Variants in AKAP9 observed in about 807,000 individuals in gnomAD.
AKAP9 encodes A-kinase anchoring protein 9.
AKAP9 carries 311 observed loss-of-function variants against 488.5 expected under a neutral mutation model. The observed-to-expected ratio is 0.64, with a 90% CI of 0.58 to 0.70. The LOEUF is 0.70. Among genes scored for constraint, AKAP9 ranks in the 30% least tolerant of loss-of-function variants. The pLI, the probability that AKAP9 is intolerant of heterozygous loss-of-function variation, is 0.00. For synonymous variants in AKAP9, 1,462 were observed against 1,483.5 expected (o/e 0.99, Z 0.33); for missense variants, 4,215 against 4,374.5 (o/e 0.96, Z 1.03).
chr7:92,104,353 G>T (rs1422722248), intron 46 of AKAP9, among the ~76,000 whole-genome samples: 1 of 151,806 alleles, frequency 6.6e-6, no homozygotes, highest in Non-Finnish European at 1.5e-5. Flanking sequence ...ACCACACCCG[G>T]CTAATTTTTT....
rs1451468288 is a variant in AKAP9 at position 92,065,277 on chromosome 7, A to G, written c.6024A>G (p.Val2008=). The G allele has an allele frequency of 6.2e-7, 1 of 1,612,852 alleles. No individual in the cohort carries two copies. The highest frequency in any genetic ancestry group is 1.3e-5 in the African/African-American group (1 of 74,974). ...TEKLMKEKLE[V]QCQAEKVRDD... The stretch of plus-strand genomic sequence containing the variant: ...AATTAATGAAGGAAAAACTAGAAGT[A>G]CAATGTCAAGCTGAAAAAGTACGTG... The change falls in exon 25 of 50, where the codon GTA becomes GTG. Residue 2008 remains valine (V), a synonymous_variant. Coordinates refer to ENST00000356239, the MANE Select transcript of AKAP9 (RefSeq NM_005751.5).
chr7:92,000,865 A>G lies in AKAP9; in HGVS notation c.948A>G (p.Val316=), dbSNP rs767404316. ...TCCTAAAGGAACAAGATAAAAAAGT[A>G]GAAAACTCAAATAAAGAAGAAATAC... ...KVYEMEQDKK[V]ENSNKEEIQE... is the part of the protein sequence containing the mutation. The change falls in exon 8 of 50, where the codon GTA becomes GTG. Residue 316 remains valine (V), a synonymous_variant. Coordinates refer to ENST00000356239, the MANE Select transcript of AKAP9 (RefSeq NM_005751.5). The G allele has an allele frequency of 3.3e-4, 471 of 1,409,366 alleles. 3 individuals are homozygous for G. In the Middle Eastern group the frequency reaches 7.6e-3, roughly 23 times the overall value. The allele number at this position is 1,409,366 out of a possible 1,614,324, so 87.3% of individuals were successfully genotyped here. A position where few individuals can be genotyped will look rare whatever the true frequency, so the allele number is the denominator to read the frequency against.
rs1392664246 is a variant in AKAP9, at chr7:92,065,370, G to T, written c.6117G>T (p.Glu2039Asp). 1 of 1,613,152 alleles carries T rather than the reference G, an allele frequency of 6.2e-7. No individual in the cohort carries two copies. Among genetic ancestry groups the T allele is most frequent in the Non-Finnish European group, 8.5e-7 (1 of 1,179,496 alleles). Residue 2039 changes from glutamate to aspartate, a missense_variant, in exon 25 of 50, where the codon GAG (glutamate) becomes GAT (aspartate). Transcript: ENST00000356239. ...AAGAACAAGTCAGTAGGTTTATAGA[G>T]CTGGAACAAGAAAAAAATACTGAAC... Reference protein sequence around the residue: ...DVEEQVSRFIELEQEKNTELM... With the variant: ...DVEEQVSRFIDLEQEKNTELM...
chr7:91,984,367 C>T (rs1174821756), intron 3 of AKAP9, among the ~76,000 whole-genome samples: 3 of 152,250 alleles, frequency 2.0e-5, no homozygotes, highest in East Asian at 1.9e-4. Context: ...GTTTTCCCAG[C>T]GCCATGTATT....
At chr7:91,987,417 C>G (rs1426237723) in intron 3 of AKAP9, among the ~76,000 whole-genome samples, 1 of 149,562 alleles carries the variant, frequency 6.7e-6, no homozygotes, top group Non-Finnish European at 1.5e-5. Context: ...GAAATTCTAT[C>G]TCGAAAAAAA....
chr7:92,102,351 T>C (rs1200596421), intron 45 of AKAP9, among the ~76,000 whole-genome samples: 4 of 151,306 alleles, frequency 2.6e-5, no homozygotes, highest in African/African-American at 4.8e-5. Flanking sequence ...TCAGACTCCA[T>C]TGACTAATAG....
chr7:92,015,027 C>G (rs34863529), intron 10 of AKAP9, among the ~76,000 whole-genome samples: 51,564 of 151,998 alleles, frequency 0.34, 9,231 homozygotes, highest in Middle Eastern at 0.4. Context: ...AAAATCAACT[C>G]TAATGTGAGA....
chr7:92,066,602 A>G lies in AKAP9; in HGVS notation c.6330+56A>G. On this transcript the variant is annotated intron_variant, in intron 26 of 49. Transcript: ENST00000356239. ...CAGTAATTTGTATCAAGTGTAAAAT[A>G]AGATGCATATCATTAAAAACTTAAA... The G allele has an allele frequency of 1.9e-6, 3 of 1,594,366 alleles. No homozygotes were observed. The East Asian group carries it at 6.7e-5, about 36-fold the overall frequency.
chr7:92,048,505 G>A (rs187922581), intron 21 of AKAP9, among the ~76,000 whole-genome samples: 21 of 152,124 alleles, frequency 1.4e-4, no homozygotes, highest in Admixed American at 7.2e-4. Context: ...TTTCCTTTAG[G>A]TCTTCACTGT....
chr7:91,995,881 T>G, intron 7 of AKAP9, 81 bp downstream of exon 7: 1 of 1,026,008 alleles, frequency 9.7e-7, no homozygotes, highest in Non-Finnish European at 1.4e-6. Context: ...TTTTTTTTGT[T>G]AGGCACATGA....
At chr7:92,013,624 A>T (rs1215721775) in intron 9 of AKAP9, among the ~76,000 whole-genome samples, 7 of 152,216 alleles carry the variant, frequency 4.6e-5, no homozygotes, top group African/African-American at 1.7e-4. Context: ...ATAAACAGTA[A>T]GTATTAACTA....
intron 21 of AKAP9, among the ~76,000 whole-genome samples, chr7:92,052,222 T>C (rs899042225): frequency 3.3e-5 from 5 of 152,198 alleles, no homozygotes; most frequent in African/African-American, 1.2e-4. Flanking sequence ...GTACTCCCAA[T>C]GTAGGCTCAA....
chr7:92,080,046 AAAAAG>A lies in AKAP9; in HGVS notation c.7921_7925del (p.Lys2641AlafsTer12). 6.4e-7 allele frequency: 1 copy of A among 1,564,472 alleles called. No individual in the cohort carries two copies. The highest frequency in any genetic ancestry group is 8.6e-7 in the Non-Finnish European group (1 of 1,164,938). On this transcript the variant is annotated frameshift_variant, in exon 31 of 50. Coordinates refer to ENST00000356239, the MANE Select transcript of AKAP9 (RefSeq NM_005751.5). LOFTEE classifies it high-confidence loss of function. Reference sequence around the variant, plus strand: ...GAAATTGCAGAAAAAAATGTTTTAGAAAAAGAAAAGAAGCTGCTAGAACTACAGAA... The same window carrying A: ...GAAATTGCAGAAAAAAATGTTTTAGAAAAAGAAGCTGCTAGAACTACAGAA...
chr7:92,022,277 G>A lies in AKAP9; in HGVS notation c.3877G>A (p.Gly1293Arg). Residue 1293 changes from glycine (G) to arginine (R), a missense_variant, in exon 13 of 50, where the codon GGA becomes AGA. Coordinates refer to ENST00000356239, the MANE Select transcript of AKAP9 (RefSeq NM_005751.5). ...GACAGATGGTATGAAACTTGAATTT[G>A]GAGAAGAAAACCTTCCAAAAGAGGA... is the stretch of plus-strand genomic sequence containing the variant. ...QQTDGMKLEF[G>R]EENLPKEETE... 1 of 1,613,516 alleles carries A rather than the reference G, an allele frequency of 6.2e-7. No individual in the cohort carries two copies. The highest frequency in any genetic ancestry group is 1.1e-5 in the South Asian group (1 of 91,072).
At position 91,973,818 on chromosome 7, in the gene AKAP9, C is replaced by T. The variant is rs375651053; in HGVS notation, c.156C>T (p.His52=). 3 of 1,613,930 alleles carry T rather than the reference C, an allele frequency of 1.9e-6. No homozygotes were observed. Among genetic ancestry groups the T allele is most frequent in the Admixed American group, 1.7e-5 (1 of 60,002 alleles). The change falls in exon 2 of 50, where the codon CAC becomes CAT. Residue 52 remains histidine (H), a synonymous_variant. Coordinates refer to ENST00000356239, the MANE Select transcript of AKAP9 (RefSeq NM_005751.5). ...TSSSKHDVSA[H]HDLNIDQSQC... ...GCAGTAAACATGATGTGTCAGCACA[C>T]CATGATTTGAATATTGATCAATCAC...
At position 92,096,405 on chromosome 7, in the gene AKAP9, G is replaced by A. The variant is rs2130899692; in HGVS notation, c.9730-284G>A. On this transcript the variant is annotated intron_variant, in intron 40 of 49. Coordinates refer to ENST00000356239, the MANE Select transcript of AKAP9 (RefSeq NM_005751.5). Reference sequence around the variant, plus strand: ...GCTGGAGGGCAGTGGTGCAATCTAGGCTCACTGCAACCTCCACCTCCCGGG... The same window carrying A: ...GCTGGAGGGCAGTGGTGCAATCTAGACTCACTGCAACCTCCACCTCCCGGG... 1.3e-5 allele frequency among the ~76,000 whole-genome samples: 2 copies of A among 150,446 alleles called. 1 individual carries two copies. Among genetic ancestry groups the A allele is most frequent in the South Asian group, 4.2e-4 (2 of 4,760 alleles).
chr7:92,062,565 C>G, intron 24 of AKAP9, 79 bp downstream of exon 24: 5 of 1,144,482 alleles, frequency 4.4e-6, no homozygotes, highest in East Asian at 2.5e-5. Context: ...GGCTTTTTTC[C>G]TCTTTCAGTG....
chr7:92,077,232 A>G (rs1812760088), intron 29 of AKAP9, among the ~76,000 whole-genome samples: 2 of 151,182 alleles, frequency 1.3e-5, no homozygotes, highest in South Asian at 4.2e-4. Flanking sequence ...AGCTGGGACT[A>G]TAGGCACGTA....
intron 46 of AKAP9, among the ~76,000 whole-genome samples, chr7:92,104,162 C>T (rs1818110555): frequency 6.6e-6 from 1 of 151,312 alleles, no homozygotes. Flanking sequence ...TATCAGGTCA[C>T]ATCTGATGCT....
Sources: gnomAD v4.1 joint callset for allele counts (sites outside exome capture counted in the v4.1 genomes callset) on GRCh38, gnomAD v4.1.1 for gene constraint, MANE v1.5 for transcripts, NCBI Gene and HGNC (gene_info 2026-07-23, HGNC 2026-07-21) for gene names.